ELMO1: variants seen among roughly 807,000 people sequenced by gnomAD.
The protein encoded by ELMO1 is engulfment and cell motility protein 1.
A neutral mutation model predicts 98.9 loss-of-function variants in ELMO1; 26 were observed. The ratio of observed to expected loss-of-function variants is 0.26; its 90% CI spans 0.19 to 0.36. ELMO1 has a LOEUF of 0.36. Among genes scored for constraint, ELMO1 ranks in the 10% least tolerant of loss-of-function variants. The probability of loss-of-function intolerance (pLI) is 1.00; values close to 1 mark genes in which losing one functional copy is unlikely to be tolerated. For missense variants in ELMO1, 627 were observed against 935.2 expected (o/e 0.67, Z 4.30); for synonymous variants, 346 against 346.0 (o/e 1.00, Z 0.00).
chr7:36,872,931 A>C (rs961525727), intron 19 of ELMO1, among the ~76,000 whole-genome samples: 28 of 152,232 alleles, frequency 1.8e-4, no homozygotes, highest in Admixed American at 1.6e-3. Context: ...GTTAGCCCTT[A>C]GCTTTGAAAA....
chr7:37,046,419 G>A (rs1164604206), intron 15 of ELMO1, among the ~76,000 whole-genome samples: 1 of 152,212 alleles, frequency 6.6e-6, no homozygotes, highest in Non-Finnish European at 1.5e-5. Context: ...CCTCTGCCCA[G>A]TGGTCTTCCT....
intron 18 of ELMO1, among the ~76,000 whole-genome samples, chr7:36,884,911 C>G (rs930915776): frequency 1.3e-5 from 2 of 152,198 alleles, no homozygotes; most frequent in African/African-American, 4.8e-5. Flanking sequence ...AGTGTCTGCT[C>G]TTTAACCTGT....
At chr7:37,194,261 C>A (rs376332180) in intron 13 of ELMO1, among the ~76,000 whole-genome samples, 1 of 152,194 alleles carries the variant, frequency 6.6e-6, no homozygotes, top group East Asian at 1.9e-4. Context: ...AAAGTCCTGA[C>A]AGTAATTCAA....
chr7:36,942,577 T>G (rs1787134131), intron 16 of ELMO1, among the ~76,000 whole-genome samples: 2 of 152,192 alleles, frequency 1.3e-5, no homozygotes, highest in Admixed American at 1.3e-4. Context: ...TTCTTTGGCG[T>G]AGACAACAGA....
chr7:36,910,993 AG>A (rs1305007817), intron 16 of ELMO1, among the ~76,000 whole-genome samples: 1 of 152,094 alleles, frequency 6.6e-6, no homozygotes, highest in Non-Finnish European at 1.5e-5. Context: ...CTTCTAAACG[AG>A]GGGATATCTA....
At chr7:37,199,492 T>G (rs1436955937) in intron 13 of ELMO1, among the ~76,000 whole-genome samples, 2 of 152,172 alleles carry the variant, frequency 1.3e-5, no homozygotes, top group Non-Finnish European at 2.9e-5. Context: ...GTACAATTAT[T>G]CATGCATCCC....
rs148692346 is a variant in ELMO1 at position 37,436,355 on chromosome 7, A to G, written c.-74+12320T>C. Among the ~76,000 whole-genome samples the G allele has an allele frequency of 2.6e-4, 40 of 152,326 alleles. No homozygotes were observed. The East Asian group carries it at 7.3e-3, about 28-fold the overall frequency. ...TCCTAGGTAAAATAAAGTGACCAGAAATTTTTCACACTGAAGACTGTATAT... is the reference window on the plus strand; with the variant it reads ...TCCTAGGTAAAATAAAGTGACCAGAGATTTTTCACACTGAAGACTGTATAT... On this transcript the variant is annotated intron_variant, in intron 1 of 21. Coordinates refer to ENST00000310758, the MANE Select transcript of ELMO1 (RefSeq NM_014800.11).
At chr7:36,901,335 T>C (rs931190644) in intron 16 of ELMO1, among the ~76,000 whole-genome samples, 2 of 152,196 alleles carry the variant, frequency 1.3e-5, no homozygotes, top group Non-Finnish European at 1.5e-5. Context: ...TTTCTGAATT[T>C]ATTTTAGGAC....
intron 16 of ELMO1, among the ~76,000 whole-genome samples, chr7:36,923,159 G>C (rs1327964919): frequency 6.6e-6 from 1 of 152,178 alleles, no homozygotes; most frequent in African/African-American, 2.4e-5. Context: ...GAGGTCCTCG[G>C]TATTTTTTCT....
chr7:37,241,401 T>C (rs1794760272), intron 7 of ELMO1, among the ~76,000 whole-genome samples: 1 of 152,100 alleles, frequency 6.6e-6, no homozygotes, highest in African/African-American at 2.4e-5. Context: ...CTTGTCTTTA[T>C]AGTACATCTC....
intron 16 of ELMO1, among the ~76,000 whole-genome samples, chr7:36,975,211 TG>T (rs1441023539): frequency 2.0e-5 from 3 of 152,244 alleles, no homozygotes; most frequent in African/African-American, 2.4e-5. Flanking sequence ...GGCTAACACC[TG>T]TAATCCCAGC....
intron 2 of ELMO1, among the ~76,000 whole-genome samples, chr7:37,321,534 G>A (rs1451283036): frequency 1.3e-5 from 2 of 151,628 alleles, no homozygotes; most frequent in South Asian, 2.1e-4. Context: ...TGGCTAACAC[G>A]TTGAAACCCC....
intron 16 of ELMO1, among the ~76,000 whole-genome samples, chr7:36,924,721 G>A (rs1785401381): frequency 6.6e-6 from 1 of 152,130 alleles, no homozygotes; most frequent in Non-Finnish European, 1.5e-5. Context: ...TCATCTGATG[G>A]AGGCCATCAG....
chr7:37,448,156 G>A (rs923756445), intron 1 of ELMO1, among the ~76,000 whole-genome samples: 1 of 151,302 alleles, frequency 6.6e-6, no homozygotes, highest in African/African-American at 2.4e-5. Context: ...GCTCGCCGGG[G>A]GATTCCCTCC....
intron 15 of ELMO1, among the ~76,000 whole-genome samples, chr7:37,090,684 T>A (rs568997329): frequency 2.6e-4 from 40 of 152,348 alleles, no homozygotes; most frequent in Non-Finnish European, 5.0e-4. Context: ...CGTGCAGGTA[T>A]CTCTTCTTCT....
intron 5 of ELMO1, among the ~76,000 whole-genome samples, chr7:37,261,162 A>G (rs769480384): frequency 1.3e-5 from 2 of 152,218 alleles, no homozygotes; most frequent in Non-Finnish European, 2.9e-5. Flanking sequence ...ATAAGCCACT[A>G]TTCTAAATAC....
intron 1 of ELMO1, among the ~76,000 whole-genome samples, chr7:37,359,050 A>C (rs976884920): frequency 2.0e-5 from 3 of 152,216 alleles, no homozygotes; most frequent in Non-Finnish European, 4.4e-5. Context: ...TGGTGATGTC[A>C]TTTACTGAGA....
At position 37,013,374 on chromosome 7, in the gene ELMO1, C is replaced by T. The variant is rs374898440; in HGVS notation, c.1362G>A (p.Glu454=). ...MFFTHDRSFE[E]FFCICIQLLN... ...GGAGCTGGATACAGATGCAGAAAAA[C>T]TCCTCAAAGGATCTGTCGTGGGTGA... Residue 454 remains glutamate (E), a synonymous_variant, in exon 16 of 22, where the codon GAG becomes GAA. Coordinates refer to ENST00000310758, the MANE Select transcript of ELMO1 (RefSeq NM_014800.11). 3.9e-5 allele frequency: 63 copies of T among 1,614,120 alleles called. No homozygotes were observed. In the African/African-American group the frequency reaches 8.1e-4, roughly 21 times the overall value.
chr7:36,974,220 T>C (rs1239354973), intron 16 of ELMO1, among the ~76,000 whole-genome samples: 1 of 152,242 alleles, frequency 6.6e-6, no homozygotes, highest in Non-Finnish European at 1.5e-5. Flanking sequence ...GGTGGGGATG[T>C]GGAGAACCTT....
Sources: allele counts gnomAD v4.1 joint callset (sites outside exome capture counted in the v4.1 genomes callset), GRCh38; gene constraint gnomAD v4.1.1; transcripts MANE v1.5; gene names NCBI Gene and HGNC (gene_info 2026-07-23, HGNC 2026-07-21).